DNAH6: variants seen among roughly 807,000 people sequenced by gnomAD.
DNAH6 encodes the protein dynein axonemal heavy chain 6, also known as axonemal beta dynein heavy chain 6.
Under a neutral mutation model 491.4 loss-of-function variants are expected in DNAH6, and 340 were observed. The ratio of observed to expected loss-of-function variants is 0.69; its 90% CI spans 0.63 to 0.76. The LOEUF is 0.76. DNAH6 is among the 30% of genes least tolerant of loss of function. DNAH6 has a pLI of 0.00. For synonymous variants in DNAH6, 1,603 were observed against 1,686.1 expected (o/e 0.95, Z 1.21); for missense variants, 4,443 against 4,972.2 (o/e 0.89, Z 3.20).
chr2:84,811,246 A>G (rs955946405), intron 72 of DNAH6, among the ~76,000 whole-genome samples: 3 of 152,234 alleles, frequency 2.0e-5, no homozygotes, highest in African/African-American at 7.2e-5. Flanking sequence ...GATGCTGTGC[A>G]TGTGGTCCCA....
rs1196661404 is a variant in DNAH6, at chr2:84,653,230, A to G, written c.5079-89A>G. On this transcript the variant is annotated intron_variant, in intron 33 of 76. Coordinates refer to ENST00000389394, the MANE Select transcript of DNAH6 (RefSeq NM_001370.2). ...AAGAGAAAGATCAATGAGAAACAAT[A>G]AGACTCATAATATTTCATTGATTGT... is the stretch of plus-strand genomic sequence containing the variant. 8.2e-6 allele frequency: 9 copies of G among 1,092,528 alleles called. No homozygotes were observed. In the South Asian group the frequency reaches 1.0e-4, roughly 12 times the overall value. 67.7% of individuals were successfully genotyped at this position (1,092,528 alleles called of 1,614,324 possible). A position where few individuals can be genotyped will look rare whatever the true frequency, so the allele number is the denominator to read the frequency against.
the DNAH6 span, among the ~76,000 whole-genome samples, chr2:84,502,727 GA>G: frequency 1.3e-5 from 2 of 152,188 alleles, no homozygotes; most frequent in African/African-American, 4.8e-5. Context: ...TTGCTGAATT[GA>G]CCCGTTTATC....
Position 84,528,651 on chromosome 2 carries a change from G to A in DNAH6, c.400-253G>A, listed in dbSNP as rs182556029. Among the ~76,000 whole-genome samples the A allele has an allele frequency of 1.4e-3, 210 of 151,860 alleles. 1 individual carries two copies. The highest frequency in any genetic ancestry group is 5.0e-3 in the African/African-American group (207 of 41,518). On this transcript the variant is annotated intron_variant, in intron 3 of 76. Transcript: ENST00000389394. The stretch of plus-strand genomic sequence containing the variant: ...TGATGTAATAAACATTGAGTTAAAG[G>A]AGAGGAGAAGGCAATGGAAGCTGAA...
Position 84,584,088 on chromosome 2 carries a change from T to C in DNAH6, c.2319T>C (p.Phe773=). The change falls in exon 15 of 77, where the codon TTT becomes TTC. Residue 773 remains phenylalanine, a synonymous_variant. Coordinates refer to ENST00000389394, the MANE Select transcript of DNAH6 (RefSeq NM_001370.2). ...AGGTGCCCACACCTCCTGAAGACTT[T>C]GCTGTTTTTGCAACTATGAAGCCAT... The part of the protein sequence containing the change: ...QYQVPTPPED[F]AVFATMKPSI... 1.2e-6 allele frequency: 2 copies of C among 1,614,162 alleles called. No homozygotes were observed. The highest frequency in any genetic ancestry group is 2.2e-5 in the East Asian group (1 of 44,864).
intron 70 of DNAH6, among the ~76,000 whole-genome samples, chr2:84,800,115 C>A (rs886080084): frequency 2.6e-5 from 4 of 152,176 alleles, no homozygotes; most frequent in African/African-American, 9.7e-5. Flanking sequence ...GTCAAACACA[C>A]TGCACAAACC....
At chr2:84,747,092 G>A (rs1365077745) in intron 63 of DNAH6, among the ~76,000 whole-genome samples, 3 of 152,002 alleles carry the variant, frequency 2.0e-5, no homozygotes, top group South Asian at 2.1e-4. Context: ...GATTTGGAGG[G>A]GACAAACATC....
intron 4 of DNAH6, 21 bp from the exon 5 acceptor site, chr2:84,544,212 C>T: frequency 1.6e-6 from 2 of 1,270,624 alleles, no homozygotes; most frequent in Non-Finnish European, 2.1e-6. Flanking sequence ...TTTATTAGTC[C>T]CAATTTTTAT....
rs17025503 is a variant in DNAH6, at chr2:84,705,742, G to T, written c.8722G>T (p.Ala2908Ser). ...VEPKRQKLRA[A>S]QAELDITMAT... ...ACCAAAAAGACAAAAGCTCCGCGCC[G>T]CACAGGTACATTTTCTGTATTGTGA... The change falls in exon 52 of 77, where the codon GCA (alanine) becomes TCA (serine). Residue 2908 changes from alanine (A) to serine (S), a missense_variant. By Grantham distance (99) the Ala-to-Ser change is moderately conservative. Transcript: ENST00000389394. 6.5e-7 allele frequency: 1 copy of T among 1,543,138 alleles called. No individual in the cohort carries two copies. Among genetic ancestry groups the T allele is most frequent in the Non-Finnish European group, 8.7e-7 (1 of 1,144,128 alleles).
intron 31 of DNAH6, among the ~76,000 whole-genome samples, chr2:84,639,024 C>T (rs544856984): frequency 4.6e-5 from 7 of 152,176 alleles, no homozygotes; most frequent in Non-Finnish European, 1.0e-4. Context: ...CACCTCCCAT[C>T]AGCCCCCACC....
intron 25 of DNAH6, 38 bp from the exon 26 acceptor site, chr2:84,621,400 A>T: frequency 6.5e-7 from 1 of 1,545,306 alleles, no homozygotes. Flanking sequence ...TTATTTGGTG[A>T]TATGCATCAC....
In DNAH6 at chr2:84,637,317, T is replaced by C. The variant is rs1688977733; in HGVS notation, c.4761T>C (p.Asn1587=). The C allele has an allele frequency of 6.4e-7, 1 of 1,551,354 alleles. No individual in the cohort carries two copies. Among genetic ancestry groups the C allele is most frequent in the Non-Finnish European group, 8.7e-7 (1 of 1,146,748 alleles). The change falls in exon 31 of 77, where the codon AAT becomes AAC. Residue 1587 remains asparagine (N), a synonymous_variant. Coordinates refer to ENST00000389394, the MANE Select transcript of DNAH6 (RefSeq NM_001370.2). ...CAGGGAGAACTGAATTGCCAGATAA[T>C]TTGAAAGCCCTGTTTAGACCATTTG... ...GYAGRTELPD[N]LKALFRPFAM...
chr2:84,662,886 G>T (rs1440789010), intron 37 of DNAH6, among the ~76,000 whole-genome samples: 2 of 152,148 alleles, frequency 1.3e-5, no homozygotes, highest in Admixed American at 6.5e-5. Context: ...ATACAGCTGG[G>T]TGCCCCTCTG....
At chr2:84,579,453 T>C (rs1379007449) in intron 13 of DNAH6, 74 bp from the exon 14 acceptor site, 1 of 1,518,064 alleles carries the variant, frequency 6.6e-7, no homozygotes, top group Non-Finnish European at 9.1e-7. Context: ...CAAATCCAAT[T>C]AGGATTTGTC....
chr2:84,710,489 C>G, intron 56 of DNAH6, 77 bp downstream of exon 56: 3 of 1,413,714 alleles, frequency 2.1e-6, no homozygotes, highest in Non-Finnish European at 2.9e-6. Flanking sequence ...AGGCCACATC[C>G]CCATCATGCT....
rs189859449 is a variant in DNAH6, at chr2:84,781,167, G to A, written c.10704-326G>A. ...AAGTTAGGATAATGATTACCTGTGG[G>A]AAGAAGGAAGGGGAAATCATTGCGG... On this transcript the variant is annotated intron_variant, in intron 64 of 76. Transcript: ENST00000389394. Among the ~76,000 whole-genome samples, 27 of 152,270 alleles carry A rather than the reference G, an allele frequency of 1.8e-4. 1 individual carries two copies. Among genetic ancestry groups the A allele is most frequent in the African/African-American group, 6.3e-4 (26 of 41,562 alleles).
At chr2:84,505,519 C>A in the DNAH6 span, among the ~76,000 whole-genome samples, 1 of 152,036 alleles carries the variant, frequency 6.6e-6, no homozygotes, top group Non-Finnish European at 1.5e-5. Flanking sequence ...AAGACGTTTT[C>A]TTCTATTCCT....
chr2:84,713,788 C>G (rs1011839797), intron 57 of DNAH6, among the ~76,000 whole-genome samples: 1 of 152,154 alleles, frequency 6.6e-6, no homozygotes, highest in Non-Finnish European at 1.5e-5. Context: ...TTTGAAAACT[C>G]TAGGAACAAG....
intron 55 of DNAH6, 148 bp downstream of exon 55, chr2:84,709,694 C>T: frequency 1.1e-6 from 1 of 890,544 alleles, no homozygotes; most frequent in Non-Finnish European, 1.7e-6. Flanking sequence ...TGTTAAAGTC[C>T]TATAGTCCAA....
intron 10 of DNAH6, among the ~76,000 whole-genome samples, chr2:84,553,832 T>C (rs1287824817): frequency 5.3e-5 from 8 of 152,046 alleles, no homozygotes; most frequent in Non-Finnish European, 1.0e-4. Context: ...TTTGTTGTCT[T>C]AGTTATCCAT....
Sources: allele counts gnomAD v4.1 joint callset (sites outside exome capture counted in the v4.1 genomes callset), GRCh38; gene constraint gnomAD v4.1.1; transcripts MANE v1.5; gene names NCBI Gene and HGNC (gene_info 2026-07-23, HGNC 2026-07-21).